DCDC1: variants seen among roughly 807,000 people sequenced by gnomAD.
DCDC1 encodes the protein doublecortin domain containing 1, also known as doublecortin domain-containing protein 1.
Under a neutral mutation model 178.3 loss-of-function variants are expected in DCDC1, and 200 were observed. The observed-to-expected ratio is 1.12, with a 90% CI of 1.00 to 1.26. The LOEUF (loss-of-function observed/expected upper bound fraction) is 1.26. DCDC1 is among the 50% of genes most tolerant of loss of function. The pLI, the probability that DCDC1 is intolerant of heterozygous loss-of-function variation, is 0.00. For missense variants in DCDC1, 1,983 were observed against 1,749.2 expected, an observed-to-expected ratio of 1.13 and a Z score of -2.38; for synonymous variants, 690 against 604.8, an observed-to-expected ratio of 1.14 and a Z score of -2.07.
At chr11:30,975,398 A>G (rs1276191356) in intron 20 of DCDC1, among the ~76,000 whole-genome samples, 1 of 152,022 alleles carries the variant, frequency 6.6e-6, no homozygotes, top group Non-Finnish European at 1.5e-5. Context: ...AAAAAATAAA[A>G]GGCATCCAAA....
chr11:30,891,177 C>T (rs189721899), intron 36 of DCDC1, among the ~76,000 whole-genome samples: 8 of 152,242 alleles, frequency 5.3e-5, no homozygotes, highest in East Asian at 1.9e-4. Context: ...CTGCTACTTA[C>T]GACTATTGAT....
chr11:30,943,372 C>T (rs1947795808), intron 21 of DCDC1: 2 of 191,116 alleles, frequency 1.0e-5, no homozygotes, highest in Non-Finnish European at 2.2e-5. Context: ...TTTCCCCCCT[C>T]TTTATTCTGG....
At chr11:31,299,192 T>C (rs1212153827) in intron 6 of DCDC1, among the ~76,000 whole-genome samples, 1 of 152,220 alleles carries the variant, frequency 6.6e-6, no homozygotes, top group Non-Finnish European at 1.5e-5. Flanking sequence ...TTCTGCATGT[T>C]CTTAAGTGTC....
intron 21 of DCDC1, among the ~76,000 whole-genome samples, chr11:30,942,679 C>G (rs1022684882): frequency 1.3e-5 from 2 of 152,174 alleles, no homozygotes; most frequent in African/African-American, 4.8e-5. Flanking sequence ...TTTCTCACTT[C>G]CAACTTGTCC....
At chr11:30,872,848 T>A (rs1016877315) in intron 38 of DCDC1, among the ~76,000 whole-genome samples, 2 of 152,012 alleles carry the variant, frequency 1.3e-5, no homozygotes, top group South Asian at 2.1e-4. Context: ...TTATTGCACA[T>A]AATTATTTTA....
intron 20 of DCDC1, among the ~76,000 whole-genome samples, chr11:30,957,059 C>T (rs962114974): frequency 5.3e-5 from 8 of 152,210 alleles, no homozygotes; most frequent in African/African-American, 1.9e-4. Context: ...TACCCATACA[C>T]TCTGCCTGCC....
At chr11:31,175,585 C>T (rs1227818583) in intron 9 of DCDC1, among the ~76,000 whole-genome samples, 2 of 152,336 alleles carry the variant, frequency 1.3e-5, no homozygotes, top group East Asian at 3.9e-4. Context: ...GCTGCTCAGC[C>T]AGCCACACTC....
chr11:31,121,966 T>C (rs908116087), intron 11 of DCDC1, among the ~76,000 whole-genome samples: 17 of 152,264 alleles, frequency 1.1e-4, no homozygotes, highest in Middle Eastern at 3.4e-3. Context: ...CACTCTATGA[T>C]AGTACGTGCC....
intron 9 of DCDC1, among the ~76,000 whole-genome samples, chr11:31,207,891 ATT>A (rs1333758503): frequency 6.6e-6 from 1 of 152,108 alleles, no homozygotes; most frequent in East Asian, 1.9e-4. Flanking sequence ...GTAATTTTCC[ATT>A]GTCTTCCCAC....
chr11:30,902,397 G>A (rs1944751109), intron 32 of DCDC1, among the ~76,000 whole-genome samples: 1 of 152,124 alleles, frequency 6.6e-6, no homozygotes, highest in Non-Finnish European at 1.5e-5. Context: ...CGAATTGTGA[G>A]AAATAAAGTT....
intron 7 of DCDC1, among the ~76,000 whole-genome samples, chr11:31,275,193 C>G (rs1035195290): frequency 5.3e-5 from 8 of 152,026 alleles, no homozygotes; most frequent in African/African-American, 1.9e-4. Flanking sequence ...ATCTTTTGAT[C>G]AAGATTCTGA....
At chr11:31,044,524 T>C (rs1451638458) in intron 20 of DCDC1, among the ~76,000 whole-genome samples, 2 of 147,026 alleles carry the variant, frequency 1.4e-5, no homozygotes, top group Middle Eastern at 3.6e-3. Context: ...GACACACCAC[T>C]GCTAGCTCTG....
intron 36 of DCDC1, among the ~76,000 whole-genome samples, chr11:30,891,017 T>C (rs937928303): frequency 6.6e-6 from 1 of 152,202 alleles, no homozygotes; most frequent in Non-Finnish European, 1.5e-5. Flanking sequence ...CTTTGATATG[T>C]ACTTTCTTAT....
intron 28 of DCDC1, among the ~76,000 whole-genome samples, chr11:30,910,188 CA>C (rs1183067753): frequency 6.6e-6 from 1 of 152,116 alleles, no homozygotes; most frequent in Non-Finnish European, 1.5e-5. Flanking sequence ...ACACCAGCAA[CA>C]AAAAATTCTT....
chr11:30,915,452 A>G, intron 27 of DCDC1, 59 bp downstream of exon 27: 1 of 1,574,882 alleles, frequency 6.3e-7, no homozygotes. Flanking sequence ...GGACCATGCT[A>G]GACTTATTAG....
rs780621761 is a variant in DCDC1 at position 30,920,791 on chromosome 11, G to C, written c.3278C>G (p.Ala1093Gly). 4.3e-6 allele frequency: 7 copies of C among 1,613,560 alleles called. No homozygotes were observed. In the South Asian group the frequency reaches 7.7e-5, roughly 18 times the overall value. ...GATTACTTACAGAATTTCACTGGAA[G>C]CATTTTCCGTTGTTAGAGGATCTTC... ...MQEDPLTTEN[A>G]SSEILDSHVR... Residue 1093 changes from alanine (A) to glycine (G), a missense_variant, in exon 25 of 39, where the codon GCT (alanine) becomes GGT (glycine). Physicochemically the swap from Ala to Gly is moderately conservative, Grantham distance 60. Transcript: ENST00000684477.
chr11:31,057,996 C>G (rs1246371922), intron 20 of DCDC1, among the ~76,000 whole-genome samples: 1 of 152,004 alleles, frequency 6.6e-6, no homozygotes, highest in Non-Finnish European at 1.5e-5. Context: ...TCTGTGAGGC[C>G]AGAAAGTGTA....
intron 8 of DCDC1, among the ~76,000 whole-genome samples, chr11:31,246,467 CTT>C (rs1424409356): frequency 7.0e-6 from 1 of 143,334 alleles, no homozygotes. Context: ...ATTCAATTGG[CTT>C]TTTTTTTTTT....
intron 11 of DCDC1, among the ~76,000 whole-genome samples, chr11:31,125,659 G>A (rs1279839795): frequency 1.3e-5 from 2 of 152,108 alleles, no homozygotes; most frequent in Non-Finnish European, 2.9e-5. Context: ...ATTATCCTCA[G>A]CAAACTAACT....
Sources: allele counts gnomAD v4.1 joint callset (sites outside exome capture counted in the v4.1 genomes callset), GRCh38; gene constraint gnomAD v4.1.1; transcripts MANE v1.5; gene names NCBI Gene and HGNC (gene_info 2026-07-23, HGNC 2026-07-21).